The following LARS2 variants were observed in gnomAD, a reference collection of about 807,000 sequenced individuals.
The protein encoded by LARS2 is leucine--tRNA ligase, mitochondrial.
Under a neutral mutation model 116.6 loss-of-function variants are expected in LARS2, and 81 were observed. That is an observed-to-expected ratio of 0.69 (90% CI 0.58 to 0.84). The LOEUF (loss-of-function observed/expected upper bound fraction) is 0.84, where lower values mean the gene tolerates loss of function less well. Among genes scored for constraint, LARS2 ranks in the 40% least tolerant of loss-of-function variants. The pLI is 0.00. For missense variants in LARS2, 968 were observed against 1,114.5 expected, an observed-to-expected ratio of 0.87 and a Z score of 1.87; for synonymous variants, 396 against 407.2, an observed-to-expected ratio of 0.97 and a Z score of 0.33.
chr3:45,541,172 C>A (rs1024602606), intron 20 of LARS2, among the ~76,000 whole-genome samples: 2 of 152,154 alleles, frequency 1.3e-5, no homozygotes, highest in Non-Finnish European at 2.9e-5. Flanking sequence ...CCCTTAGTGC[C>A]ACCTCTTCTT....
chr3:45,413,712 A>G (rs1344239855), intron 4 of LARS2, among the ~76,000 whole-genome samples: 1 of 152,256 alleles, frequency 6.6e-6, no homozygotes, highest in African/African-American at 2.4e-5. Flanking sequence ...TCAACTTAAA[A>G]AATATTAATG....
rs567909908 is a variant in LARS2 at position 45,445,160 on chromosome 3, A to G, written c.517-1731A>G. ...ACATGAAGGAATCAAATTTGATTCA[A>G]TGTCAGTAGTTCATATCTCTATCTA... On this transcript the variant is annotated intron_variant, in intron 6 of 21. Coordinates refer to ENST00000645846, the MANE Select transcript of LARS2 (RefSeq NM_015340.4). 4.6e-5 allele frequency among the ~76,000 whole-genome samples: 7 copies of G among 152,314 alleles called. No individual in the cohort carries two copies. In the South Asian group the frequency reaches 1.0e-3, roughly 23 times the overall value.
At chr3:45,464,537 C>A (rs1169372935) in intron 8 of LARS2, among the ~76,000 whole-genome samples, 4 of 152,198 alleles carry the variant, frequency 2.6e-5, no homozygotes, top group Admixed American at 6.5e-5. Flanking sequence ...GTCACATCGT[C>A]CCCTTAATCC....
At chr3:45,425,760 G>A (rs1259110445) in intron 6 of LARS2, among the ~76,000 whole-genome samples, 2 of 152,160 alleles carry the variant, frequency 1.3e-5, no homozygotes, top group African/African-American at 4.8e-5. Flanking sequence ...TAGCTTTTAA[G>A]ATGAAGTCTC....
rs1700805558 is a variant in LARS2 at position 45,541,972 on chromosome 3, C to T, written c.2532+16C>T. 6.2e-7 allele frequency: 1 copy of T among 1,613,758 alleles called. No homozygotes were observed. Among genetic ancestry groups the T allele is most frequent in the African/African-American group, 1.3e-5 (1 of 74,950 alleles). ...GGCAGTTCTGGTAAGTATCTCCCCT[C>T]AACCCCAGAACCCAGCAGTCCCTGC... On this transcript the variant is annotated intron_variant, in intron 21 of 21. Coordinates refer to ENST00000645846, the MANE Select transcript of LARS2 (RefSeq NM_015340.4).
At chr3:45,544,415 G>A (rs1447491208) in intron 21 of LARS2, among the ~76,000 whole-genome samples, 2 of 152,190 alleles carry the variant, frequency 1.3e-5, no homozygotes, top group African/African-American at 4.8e-5. Context: ...TGCCTTATCC[G>A]GCTATTGAGA....
chr3:45,500,768 T>G (rs1700104766), intron 15 of LARS2, among the ~76,000 whole-genome samples, 189 bp downstream of exon 15: 1 of 152,230 alleles, frequency 6.6e-6, no homozygotes, highest in South Asian at 2.1e-4. Context: ...CATGTGATGT[T>G]GCATGCTTGC....
At chr3:45,453,917 A>G (rs1373735459) in intron 7 of LARS2, among the ~76,000 whole-genome samples, 1 of 152,026 alleles carries the variant, frequency 6.6e-6, no homozygotes, top group Non-Finnish European at 1.5e-5. Flanking sequence ...GGGGAAAACA[A>G]TGGAGAGTAG....
intron 20 of LARS2, among the ~76,000 whole-genome samples, chr3:45,532,023 A>T (rs1700623266): frequency 6.6e-6 from 1 of 152,156 alleles, no homozygotes; most frequent in South Asian, 2.1e-4. Context: ...AAATCCTCTT[A>T]GATTTTCTAG....
rs1272018507 is a variant in LARS2, at chr3:45,417,584, A to C, written c.455+11A>C. 2 of 1,601,460 alleles carry C rather than the reference A, an allele frequency of 1.2e-6. No individual in the cohort carries two copies. Among genetic ancestry groups the C allele is most frequent in the Admixed American group, 1.7e-5 (1 of 59,856 alleles). The stretch of plus-strand genomic sequence containing the variant: ...AAGTTGGACACAAAGGTAAGTGTTT[A>C]CAGGCATATTCAAATACTTGCATAC... On this transcript the variant is annotated intron_variant, in intron 5 of 21. Coordinates refer to ENST00000645846, the MANE Select transcript of LARS2 (RefSeq NM_015340.4).
chr3:45,454,752 T>A (rs1414493578), intron 7 of LARS2, among the ~76,000 whole-genome samples: 1 of 152,176 alleles, frequency 6.6e-6, no homozygotes, highest in African/African-American at 2.4e-5. Context: ...AAAATCAGCA[T>A]GTTCATCCAA....
chr3:45,524,904 T>G (rs1700511386), intron 20 of LARS2, among the ~76,000 whole-genome samples: 1 of 152,162 alleles, frequency 6.6e-6, no homozygotes, highest in African/African-American at 2.4e-5. Context: ...TAAGAAGAAT[T>G]TGAGGATTAT....
chr3:45,417,053 G>A (rs1224165388), intron 4 of LARS2, among the ~76,000 whole-genome samples: 14 of 135,368 alleles, frequency 1.0e-4, no homozygotes, highest in South Asian at 9.6e-4. Context: ...CAGCCTGGGT[G>A]AAAGTGCAAG....
At chr3:45,496,223 C>T in intron 13 of LARS2, 52 bp from the exon 14 acceptor site, 2 of 1,358,024 alleles carry the variant, frequency 1.5e-6, no homozygotes, top group Non-Finnish European at 2.1e-6. Context: ...TGATGGAAAA[C>T]TGCATTAAAA....
At chr3:45,488,640 G>T in intron 11 of LARS2, 57 bp from the exon 12 acceptor site, 1 of 1,043,064 alleles carries the variant, frequency 9.6e-7, no homozygotes, top group Non-Finnish European at 1.5e-6. Flanking sequence ...ACTGTCAGTT[G>T]TTTTGTGATT....
intron 6 of LARS2, among the ~76,000 whole-genome samples, chr3:45,444,720 C>T (rs1279096177): frequency 6.7e-6 from 1 of 148,558 alleles, no homozygotes; most frequent in African/African-American, 2.5e-5. Context: ...TTTTTACTCT[C>T]ACTCTAGGAA....
At chr3:45,397,854 T>C (rs1445322171) in intron 3 of LARS2, among the ~76,000 whole-genome samples, 1 of 152,240 alleles carries the variant, frequency 6.6e-6, no homozygotes, top group Non-Finnish European at 1.5e-5. Context: ...GACGACTTGC[T>C]CATAAGCTGA....
chr3:45,474,117 A>C, intron 8 of LARS2, 126 bp from the exon 9 acceptor site: 1 of 548,050 alleles, frequency 1.8e-6, no homozygotes, highest in Non-Finnish European at 3.3e-6. Flanking sequence ...GTGAACAAGG[A>C]GAGAGCTAAA....
intron 20 of LARS2, among the ~76,000 whole-genome samples, chr3:45,539,528 G>A (rs898571803): frequency 2.6e-5 from 4 of 152,122 alleles, no homozygotes; most frequent in African/African-American, 9.7e-5. Flanking sequence ...CTACTCAGGA[G>A]GCTGAGGCAC....
Sources: gnomAD v4.1 joint callset for allele counts (sites outside exome capture counted in the v4.1 genomes callset) on GRCh38, gnomAD v4.1.1 for gene constraint, MANE v1.5 for transcripts, NCBI Gene and HGNC (gene_info 2026-07-23, HGNC 2026-07-21) for gene names.